ACOXL: variants seen among roughly 807,000 people sequenced by gnomAD.
ACOXL encodes the protein acyl-CoA oxidase like.
ACOXL carries 70 observed loss-of-function variants against 71.9 expected under a neutral mutation model. The observed-to-expected ratio is 0.97, with a 90% CI of 0.80 to 1.19. The LOEUF is 1.19. Among genes scored for constraint, ACOXL ranks in the 50% most tolerant of loss-of-function variants. The probability of loss-of-function intolerance (pLI) is 0.00; values close to 1 mark genes in which losing one functional copy is unlikely to be tolerated. For synonymous variants in ACOXL, 253 were observed against 281.6 expected, an observed-to-expected ratio of 0.90 and a Z score of 1.02; for missense variants, 703 against 736.3, an observed-to-expected ratio of 0.95 and a Z score of 0.52.
At chr2:110,935,324 A>AC (rs552927106) in intron 12 of ACOXL, among the ~76,000 whole-genome samples, 1 of 151,482 alleles carries the variant, frequency 6.6e-6, no homozygotes, top group Non-Finnish European at 1.5e-5. Context: ...GGGGTCTCTC[A>AC]CCCCCAGGCC....
At chr2:110,911,558 T>A (rs552167703) in intron 11 of ACOXL, among the ~76,000 whole-genome samples, 11 of 152,008 alleles carry the variant, frequency 7.2e-5, no homozygotes, top group Non-Finnish European at 1.3e-4. Context: ...GCAAGGTTGG[T>A]TTAACATATC....
intron 17 of ACOXL, chr2:111,100,700 T>C (rs2069088936): frequency 6.5e-6 from 1 of 152,972 alleles, no homozygotes; most frequent in Admixed American, 6.5e-5. Flanking sequence ...AAGCCCAGAT[T>C]CACCAGCACA....
intron 15 of ACOXL, among the ~76,000 whole-genome samples, chr2:111,044,610 A>G (rs769605910): frequency 5.3e-5 from 8 of 152,374 alleles, no homozygotes; most frequent in Middle Eastern, 6.8e-3. Flanking sequence ...CAGGTGCCCA[A>G]TCTGACCAGC....
intron 10 of ACOXL, among the ~76,000 whole-genome samples, chr2:110,897,681 A>C (rs564495165): frequency 7.0e-4 from 103 of 147,284 alleles, no homozygotes; most frequent in Non-Finnish European, 1.1e-3. Flanking sequence ...AAACTATAGC[A>C]AGAACCTAGA....
At chr2:110,848,122 G>A (rs772693335) in intron 10 of ACOXL, among the ~76,000 whole-genome samples, 1 of 152,252 alleles carries the variant, frequency 6.6e-6, no homozygotes, top group East Asian at 1.9e-4. Context: ...TTGATTTCAA[G>A]TGTTGGCAAA....
chr2:111,010,590 A>C (rs1442632368), intron 14 of ACOXL, among the ~76,000 whole-genome samples: 1 of 152,150 alleles, frequency 6.6e-6, no homozygotes, highest in Non-Finnish European at 1.5e-5. Flanking sequence ...CATAAATTCA[A>C]GATTCTAGCA....
chr2:110,909,309 G>A (rs1374953504), intron 11 of ACOXL, among the ~76,000 whole-genome samples: 1 of 152,122 alleles, frequency 6.6e-6, no homozygotes, highest in African/African-American at 2.4e-5. Flanking sequence ...TGTATTTGGT[G>A]GGGGTACAGG....
chr2:111,037,678 C>T (rs2065583004), intron 15 of ACOXL, among the ~76,000 whole-genome samples: 1 of 152,228 alleles, frequency 6.6e-6, no homozygotes, highest in Admixed American at 6.5e-5. Context: ...GCAAAGCCCA[C>T]TGAGGAAACT....
chr2:110,938,675 C>T lies in ACOXL; in HGVS notation c.1059+5033C>T, dbSNP rs563301519. Among the ~76,000 whole-genome samples, 5 of 152,086 alleles carry T rather than the reference C, an allele frequency of 3.3e-5. No individual in the cohort carries two copies. The South Asian group carries it at 6.2e-4, about 19-fold the overall frequency. On this transcript the variant is annotated intron_variant, in intron 12 of 17. Coordinates refer to ENST00000439055, the MANE Select transcript of ACOXL (RefSeq NM_001142807.4). ...GGACAGATAGACTGATGTGCACAGACATTGAATGAATGAATGAATGAATGA... is the reference window on the plus strand; with the variant it reads ...GGACAGATAGACTGATGTGCACAGATATTGAATGAATGAATGAATGAATGA...
At chr2:111,015,572 G>T (rs1331652404) in intron 14 of ACOXL, among the ~76,000 whole-genome samples, 3 of 152,062 alleles carry the variant, frequency 2.0e-5, no homozygotes, top group African/African-American at 7.3e-5. Flanking sequence ...TTCTTATAAG[G>T]TTAAAAGTAC....
chr2:110,770,041 T>A (rs999149625), intron 2 of ACOXL, among the ~76,000 whole-genome samples: 5 of 151,886 alleles, frequency 3.3e-5, no homozygotes, highest in Non-Finnish European at 7.4e-5. Context: ...AGACCCTGTC[T>A]CAAAATGAAC....
chr2:111,077,889 A>G (rs2149959062), intron 16 of ACOXL, among the ~76,000 whole-genome samples: 1 of 152,288 alleles, frequency 6.6e-6, no homozygotes, highest in Middle Eastern at 3.4e-3. Flanking sequence ...GTCTAGGCAT[A>G]AATTTCTTTG....
In ACOXL at chr2:110,958,170, C is replaced by T. The variant is rs376310439; in HGVS notation, c.1059+24528C>T. On this transcript the variant is annotated intron_variant, in intron 12 of 17. Transcript: ENST00000439055. Reference sequence around the variant, plus strand: ...ATGCACACACACACTCTCATGCATACTCTCTCTACTTTTCTATAGGCCTCT... The same window carrying T: ...ATGCACACACACACTCTCATGCATATTCTCTCTACTTTTCTATAGGCCTCT... 3.3e-5 allele frequency among the ~76,000 whole-genome samples: 5 copies of T among 152,212 alleles called. 1 individual carries two copies. The highest frequency in any genetic ancestry group is 6.5e-5 in the Admixed American group (1 of 15,294).
At position 110,753,707 on chromosome 2, in the gene ACOXL, T is replaced by C. The variant is rs150691683; in HGVS notation, c.-22-14661T>C. 2.4e-3 allele frequency among the ~76,000 whole-genome samples: 364 copies of C among 152,354 alleles called. 2 individuals are homozygous for C. Among genetic ancestry groups the C allele is most frequent in the African/African-American group, 8.3e-3 (345 of 41,578 alleles). On this transcript the variant is annotated intron_variant, in intron 1 of 17. Coordinates refer to ENST00000439055, the MANE Select transcript of ACOXL (RefSeq NM_001142807.4). Reference sequence around the variant, plus strand: ...TTCTATGACAATTTGTGTGGGCATGTAATTTTATTTCTCTTGGATAAATAC... The same window carrying C: ...TTCTATGACAATTTGTGTGGGCATGCAATTTTATTTCTCTTGGATAAATAC...
In ACOXL at chr2:110,862,893, C is replaced by T. The variant is rs185068154; in HGVS notation, c.788+21488C>T. Reference sequence around the variant, plus strand: ...TCCAGCGGCACCCGGGGCCCTTATCCCACAGGCAACCACCACCTAGGGCCC... The same window carrying T: ...TCCAGCGGCACCCGGGGCCCTTATCTCACAGGCAACCACCACCTAGGGCCC... On this transcript the variant is annotated intron_variant, in intron 10 of 17. Coordinates refer to ENST00000439055, the MANE Select transcript of ACOXL (RefSeq NM_001142807.4). Among the ~76,000 whole-genome samples the T allele has an allele frequency of 3.2e-4, 48 of 152,302 alleles. No individual in the cohort carries two copies. The East Asian group carries it at 5.2e-3, about 17-fold the overall frequency.
intron 15 of ACOXL, among the ~76,000 whole-genome samples, chr2:111,032,927 TCA>T (rs2065340971): frequency 6.6e-6 from 1 of 152,204 alleles, no homozygotes; most frequent in South Asian, 2.1e-4. Flanking sequence ...TGCTTTAGGC[TCA>T]GACTGAGCCC....
intron 12 of ACOXL, among the ~76,000 whole-genome samples, chr2:110,978,395 G>T (rs184955955): frequency 6.6e-6 from 1 of 152,284 alleles, no homozygotes; most frequent in East Asian, 1.9e-4. Flanking sequence ...ATACTATTAC[G>T]TTGGCAACAC....
intron 8 of ACOXL, among the ~76,000 whole-genome samples, chr2:110,802,516 T>G (rs1686127021): frequency 6.6e-6 from 1 of 152,256 alleles, no homozygotes; most frequent in Non-Finnish European, 1.5e-5. Context: ...CTTTACTCCT[T>G]TTTGTTGCCA....
chr2:111,064,175 G>A (rs2066942442), intron 16 of ACOXL, among the ~76,000 whole-genome samples: 1 of 152,132 alleles, frequency 6.6e-6, no homozygotes, highest in African/African-American at 2.4e-5. Context: ...AGTGGCTCAC[G>A]CCTGTAATCC....
Sources: gnomAD v4.1 joint callset for allele counts (sites outside exome capture counted in the v4.1 genomes callset) on GRCh38, gnomAD v4.1.1 for gene constraint, MANE v1.5 for transcripts, NCBI Gene and HGNC (gene_info 2026-07-23, HGNC 2026-07-21) for gene names.